Variants in MICAL3 observed in about 807,000 individuals in gnomAD.
The protein encoded by MICAL3 is [F-actin]-monooxygenase MICAL3.
In MICAL3, 62 loss-of-function variants were observed where a neutral mutation model predicts 207.4. That is an observed-to-expected ratio of 0.30 (90% CI 0.24 to 0.37). MICAL3 has a LOEUF of 0.37. Ranked by LOEUF, MICAL3 falls within the 10% of genes least tolerant of loss-of-function variation. The pLI is 1.00. For synonymous variants in MICAL3, 1,077 were observed against 1,069.3 expected (o/e 1.01, Z -0.14); for missense variants, 2,368 against 2,635.6 (o/e 0.90, Z 2.22).
At chr22:17,799,949 AACACACACACACACAC>A (rs3078144) in intron 29 of MICAL3, among the ~76,000 whole-genome samples, 80 of 146,826 alleles carry the variant, frequency 5.4e-4, no homozygotes, top group African/African-American at 1.7e-3. Flanking sequence ...CTCACTCTAA[AACACACACACACACAC>A]ACACACACAC....
At chr22:17,875,883 T>C (rs867336853) in intron 16 of MICAL3, among the ~76,000 whole-genome samples, 3 of 152,136 alleles carry the variant, frequency 2.0e-5, no homozygotes, top group Admixed American at 6.5e-5. Flanking sequence ...GGGGGATGGC[T>C]TGTCGACTCA....
Position 17,966,203 on chromosome 22 carries a change from G to T in MICAL3, c.-75+58078C>A, listed in dbSNP as rs146347114. Among the ~76,000 whole-genome samples, 208 of 152,126 alleles carry T rather than the reference G, an allele frequency of 1.4e-3. 1 individual carries two copies. The highest frequency in any genetic ancestry group is 4.8e-3 in the African/African-American group (201 of 41,486). ...CTTCATGCCTCCCATCGAATTTCCAGTCCCTGACTCTGGCCACCCAGCTTC... is the reference window on the plus strand; with the variant it reads ...CTTCATGCCTCCCATCGAATTTCCATTCCCTGACTCTGGCCACCCAGCTTC... On this transcript the variant is annotated intron_variant, in intron 1 of 31. Coordinates refer to ENST00000441493, the MANE Select transcript of MICAL3 (RefSeq NM_015241.3).
At chr22:17,876,832 AGGTTAGGGAGGTTAGGGAG>A (rs1928507397) in intron 16 of MICAL3, 4 of 129,138 alleles carry the variant, frequency 3.1e-5, no homozygotes, top group African/African-American at 1.3e-4. Flanking sequence ...GAGGTTATGG[AGGTTAGGGAGGTTAGGGAG>A]GTTATGGAGG....
In MICAL3 at chr22:17,921,621, T is replaced by C. The variant is rs184099079; in HGVS notation, c.-74-14735A>G. 7.0e-4 allele frequency among the ~76,000 whole-genome samples: 106 copies of C among 152,294 alleles called. 1 individual carries two copies. The highest frequency in any genetic ancestry group is 1.3e-3 in the Non-Finnish European group (88 of 68,018). On this transcript the variant is annotated intron_variant, in intron 1 of 31. Transcript: ENST00000441493. ...CTCCTGCCTCAGCCTCCCTAGTAGC[T>C]GGGATTACAGGCATGTGCGACCACA...
At chr22:18,005,553 G>A (rs1923333174) in intron 1 of MICAL3, 1 of 152,240 alleles carries the variant, frequency 6.6e-6, no homozygotes, top group Non-Finnish European at 1.5e-5. Context: ...GGTACAAGGA[G>A]TGCTTACAGG....
At chr22:17,976,589 A>ATATAT (rs1231976773) in intron 1 of MICAL3, among the ~76,000 whole-genome samples, 11 of 67,124 alleles carry the variant, frequency 1.6e-4, no homozygotes, top group South Asian at 1.2e-3. Flanking sequence ...ATATATATAT[A>ATATAT]TTTTTTTTTT....
intron 1 of MICAL3, among the ~76,000 whole-genome samples, chr22:17,953,571 T>C (rs1453556115): frequency 2.6e-5 from 4 of 151,974 alleles, no homozygotes; most frequent in Admixed American, 1.3e-4. Context: ...ATAGGGGACA[T>C]CAGGGCGGGG....
rs1243013609 is a variant in MICAL3 at position 17,896,980 on chromosome 22, T to C, written c.950A>G (p.Asp317Gly). Reference protein sequence around the residue: ...SLLDKGVILHDYADTELLLSR... With the variant: ...SLLDKGVILHGYADTELLLSR... Reference sequence around the variant, plus strand: ...AAGCAGGAGCTCTGTGTCGGCGTAGTCCTGTCTCCAGAGAAAGAGGAGGGT... The same window carrying C: ...AAGCAGGAGCTCTGTGTCGGCGTAGCCCTGTCTCCAGAGAAAGAGGAGGGT... The change falls in exon 8 of 32, where the codon GAC becomes GGC. Residue 317 changes from aspartate to glycine, a missense_variant and splice_region_variant. Transcript: ENST00000441493. 1 of 1,610,090 alleles carries C rather than the reference T, an allele frequency of 6.2e-7. No individual in the cohort carries two copies.
Position 17,965,040 on chromosome 22 carries a change from G to A in MICAL3, c.-74-58154C>T, listed in dbSNP as rs1054323509. ...TGCCCCCAGGTGTCTCCCACTCCCT[G>A]CGGTAGGAAGTCCTCTGACAGAGGG... is the stretch of plus-strand genomic sequence containing the variant. On this transcript the variant is annotated intron_variant, in intron 1 of 31. Transcript: ENST00000441493. Among the ~76,000 whole-genome samples, 10 of 152,294 alleles carry A rather than the reference G, an allele frequency of 6.6e-5. No homozygotes were observed. The East Asian group carries it at 1.9e-3, about 29-fold the overall frequency.
intron 20 of MICAL3, chr22:17,834,400 A>C (rs1569086399): frequency 7.8e-7 from 1 of 1,283,600 alleles, no homozygotes; most frequent in Admixed American, 2.4e-5. Context: ...ACTGTAGGGA[A>C]CACAAAGGTG....
rs1217825301 is a variant in MICAL3 at position 17,906,886 on chromosome 22, T to A, written c.-74A>T. The A allele has an allele frequency of 1.4e-6, 2 of 1,415,548 alleles. No individual in the cohort carries two copies. Among genetic ancestry groups the A allele is most frequent in the African/African-American group, 1.4e-5 (1 of 69,688 alleles). 87.7% of individuals were successfully genotyped at this position (1,415,548 alleles called of 1,614,324 possible). A position where few individuals can be genotyped will look rare whatever the true frequency, so the allele number is the denominator to read the frequency against. On this transcript the variant is annotated splice_region_variant and 5_prime_UTR_variant, in exon 2 of 32. Transcript: ENST00000441493. ...GGTCCACCTGACACTGTCACGTTAA[T>A]CTGACAAAAAGAAAGAAAAACGTGG...
At chr22:17,997,974 T>G (rs1478274956) in intron 1 of MICAL3, among the ~76,000 whole-genome samples, 1 of 151,962 alleles carries the variant, frequency 6.6e-6, no homozygotes, top group African/African-American at 2.4e-5. Flanking sequence ...GTGGATTTTT[T>G]CCCCCTAAAG....
At chr22:17,925,241 G>A (rs927405307) in intron 1 of MICAL3, among the ~76,000 whole-genome samples, 2 of 152,176 alleles carry the variant, frequency 1.3e-5, no homozygotes, top group Non-Finnish European at 2.9e-5. Context: ...GGCTCGGCCA[G>A]GAAACCAAAG....
At chr22:17,914,850 C>T (rs1171502096) in intron 1 of MICAL3, among the ~76,000 whole-genome samples, 1 of 152,214 alleles carries the variant, frequency 6.6e-6, no homozygotes, top group African/African-American at 2.4e-5. Flanking sequence ...TCTTGCACCC[C>T]AGCCATCAGC....
chr22:17,806,198 C>T (rs945004170), intron 29 of MICAL3, among the ~76,000 whole-genome samples: 1 of 152,148 alleles, frequency 6.6e-6, no homozygotes, highest in Non-Finnish European at 1.5e-5. Flanking sequence ...ACATTTTATT[C>T]ATTTGTTTAT....
At chr22:17,963,054 C>G (rs1364599152) in intron 1 of MICAL3, among the ~76,000 whole-genome samples, 1 of 152,086 alleles carries the variant, frequency 6.6e-6, no homozygotes, top group African/African-American at 2.4e-5. Context: ...ACCTAGCCAG[C>G]GAGAAACACT....
At chr22:17,816,214 G>A (rs1920993986) in intron 27 of MICAL3, among the ~76,000 whole-genome samples, 1 of 152,218 alleles carries the variant, frequency 6.6e-6, no homozygotes, top group African/African-American at 2.4e-5. Flanking sequence ...GTCAGTTCCT[G>A]GACCAGTCCT....
chr22:17,826,571 C>A lies in MICAL3; in HGVS notation c.3193+1073G>T, dbSNP rs140738708. 1.3e-5 allele frequency: 12 copies of A among 895,318 alleles called. No homozygotes were observed. In the East Asian group the frequency reaches 1.3e-3, roughly 98 times the overall value. The allele number at this position is 895,318 out of a possible 1,614,324, so 55.5% of individuals were successfully genotyped here. ...GTTACACAGCAATATGCGTTCCCAA[C>A]GAGGAGAGCCAAGGTCATCCTTAAA... is the stretch of plus-strand genomic sequence containing the variant. On this transcript the variant is annotated intron_variant, in intron 22 of 31. Coordinates refer to ENST00000441493, the MANE Select transcript of MICAL3 (RefSeq NM_015241.3).
rs1307926489 is a variant in MICAL3 at position 17,832,065 on chromosome 22, C to T, written c.2844G>A (p.Glu948=). The T allele has an allele frequency of 5.7e-6, 9 of 1,591,838 alleles. No individual in the cohort carries two copies. The highest frequency in any genetic ancestry group is 6.8e-6 in the Non-Finnish European group (8 of 1,169,188). Residue 948 remains glutamate, a synonymous_variant, in exon 21 of 32, where the codon GAG becomes GAA. Transcript: ENST00000441493. ...SEMEEEGEEE[E]EEPRLPPSDL... is the part of the protein sequence containing the mutation. ...CAGATGGGGGCAGGCGAGGCTCCTC[C>T]TCCTCCTCCTCTCCCTCCTCCTCCA...
Sources: allele counts gnomAD v4.1 joint callset (sites outside exome capture counted in the v4.1 genomes callset), GRCh38; gene constraint gnomAD v4.1.1; transcripts MANE v1.5; gene names NCBI Gene and HGNC (gene_info 2026-07-23, HGNC 2026-07-21).